CHN1: variants seen among roughly 807,000 people sequenced by gnomAD.
CHN1 encodes chimerin 1.
A neutral mutation model predicts 59.5 loss-of-function variants in CHN1; 37 were observed. The observed-to-expected ratio is 0.62, with a 90% CI of 0.48 to 0.82. The LOEUF (loss-of-function observed/expected upper bound fraction) is 0.82. Among genes scored for constraint, CHN1 ranks in the 40% least tolerant of loss-of-function variants. The pLI, the probability that CHN1 is intolerant of heterozygous loss-of-function variation, is 0.00. For synonymous variants in CHN1, 206 were observed against 200.4 expected (o/e 1.03, Z -0.24); for missense variants, 469 against 571.0 (o/e 0.82, Z 1.82).
At chr2:174,893,356 A>T (rs1238608562) in intron 5 of CHN1, among the ~76,000 whole-genome samples, 1 of 152,228 alleles carries the variant, frequency 6.6e-6, no homozygotes, top group African/African-American at 2.4e-5. Context: ...AACTAAGAAG[A>T]CAACTCCATT....
At chr2:174,874,937 G>A (rs190561936) in intron 6 of CHN1, among the ~76,000 whole-genome samples, 4 of 138,602 alleles carry the variant, frequency 2.9e-5, no homozygotes, top group Non-Finnish European at 6.0e-5. Flanking sequence ...GCAGTGGCAC[G>A]ACTTCTGCTC....
intron 1 of CHN1, among the ~76,000 whole-genome samples, chr2:174,952,831 C>T (rs1690065183): frequency 6.6e-6 from 1 of 152,178 alleles, no homozygotes; most frequent in African/African-American, 2.4e-5. Context: ...AAGTCCATTT[C>T]CCCTCATGTT....
chr2:174,823,487 C>A (rs958045008), intron 8 of CHN1, among the ~76,000 whole-genome samples: 3 of 151,868 alleles, frequency 2.0e-5, no homozygotes, highest in African/African-American at 2.4e-5. Flanking sequence ...CATGGTGAAA[C>A]CCCGTCTCTA....
chr2:174,966,227 C>G (rs1354923147), intron 1 of CHN1, among the ~76,000 whole-genome samples: 1 of 151,996 alleles, frequency 6.6e-6, no homozygotes. Context: ...AAGTTGAAAA[C>G]TGATGTGTCA....
chr2:174,799,298 A>G lies in CHN1; in HGVS notation c.*818T>C. 4 of 348,602 alleles carry G rather than the reference A, an allele frequency of 1.1e-5. No individual in the cohort carries two copies. The highest frequency in any genetic ancestry group is 2.2e-5 in the Non-Finnish European group (4 of 181,588). 21.6% of individuals were successfully genotyped at this position (348,602 alleles called of 1,614,324 possible). A position where few individuals can be genotyped will look rare whatever the true frequency, so the allele number is the denominator to read the frequency against. On this transcript the variant is annotated 3_prime_UTR_variant, in exon 13 of 13. Transcript: ENST00000409900. ...ATTTTAGAAGCTTATCACTTTTAAC[A>G]GTAAACAAAAGAGGTCAGAAGAAGT...
chr2:174,921,006 T>A (rs1002530284), intron 3 of CHN1: 3 of 419,478 alleles, frequency 7.2e-6, no homozygotes, highest in African/African-American at 2.0e-5. Context: ...CAGTTCACAA[T>A]AGGGTTCGCG....
chr2:174,889,882 T>C (rs1254530523), intron 5 of CHN1, among the ~76,000 whole-genome samples: 1 of 136,498 alleles, frequency 7.3e-6, no homozygotes, highest in South Asian at 2.2e-4. Context: ...TAAATAAATA[T>C]GTGTGTGTGT....
At chr2:174,915,633 T>C (rs779513406) in intron 4 of CHN1, among the ~76,000 whole-genome samples, 2 of 152,242 alleles carry the variant, frequency 1.3e-5, no homozygotes, top group Non-Finnish European at 1.5e-5. Flanking sequence ...TTGTCCTTAA[T>C]TGGCATGATT....
At chr2:174,901,997 T>C (rs537869003) in intron 5 of CHN1, among the ~76,000 whole-genome samples, 5 of 152,192 alleles carry the variant, frequency 3.3e-5, no homozygotes, top group Non-Finnish European at 5.9e-5. Context: ...TACCATAATA[T>C]AGTGTACCTT....
At chr2:174,854,694 T>C (rs899288978) in intron 6 of CHN1, among the ~76,000 whole-genome samples, 7 of 152,260 alleles carry the variant, frequency 4.6e-5, no homozygotes, top group South Asian at 4.1e-4. Context: ...AGGAATCAAA[T>C]GAGATACTAT....
At chr2:174,997,992 C>T (rs1203831176) in intron 1 of CHN1, among the ~76,000 whole-genome samples, 1 of 102,254 alleles carries the variant, frequency 9.8e-6, no homozygotes, top group South Asian at 3.1e-4. Flanking sequence ...GTCTCGGGGG[C>T]GCAAAAAAAA....
At chr2:174,894,094 A>C (rs1688135291) in intron 5 of CHN1, among the ~76,000 whole-genome samples, 1 of 151,688 alleles carries the variant, frequency 6.6e-6, no homozygotes, top group Non-Finnish European at 1.5e-5. Context: ...AGCACAAGTA[A>C]CAAGAGCAAA....
intron 5 of CHN1, among the ~76,000 whole-genome samples, chr2:174,904,976 G>T (rs1057350746): frequency 1.3e-5 from 2 of 152,022 alleles, no homozygotes; most frequent in Non-Finnish European, 2.9e-5. Context: ...TTACCTTAAC[G>T]TACCACACAT....
At chr2:174,898,068 G>A (rs548693085) in intron 5 of CHN1, among the ~76,000 whole-genome samples, 10 of 152,108 alleles carry the variant, frequency 6.6e-5, no homozygotes, top group Non-Finnish European at 1.0e-4. Flanking sequence ...TGGTAGGAGT[G>A]ACAAATGAGA....
intron 3 of CHN1, among the ~76,000 whole-genome samples, chr2:174,934,244 C>T (rs948525898): frequency 2.6e-5 from 4 of 152,178 alleles, no homozygotes; most frequent in Non-Finnish European, 5.9e-5. Flanking sequence ...TGCAACTAGA[C>T]AGTCTCATCT....
At chr2:174,828,843 A>G (rs1685779829) in intron 7 of CHN1, among the ~76,000 whole-genome samples, 1 of 152,204 alleles carries the variant, frequency 6.6e-6, no homozygotes, top group African/African-American at 2.4e-5. Context: ...ACTTTTGCCT[A>G]GAATTGCCAC....
Position 174,876,400 on chromosome 2 carries a change from G to A in CHN1, c.549+1440C>T, listed in dbSNP as rs533740430. Among the ~76,000 whole-genome samples the A allele has an allele frequency of 7.2e-5, 11 of 152,246 alleles. No homozygotes were observed. The South Asian group carries it at 2.3e-3, about 32-fold the overall frequency. On this transcript the variant is annotated intron_variant, in intron 6 of 12. Coordinates refer to ENST00000409900, the MANE Select transcript of CHN1 (RefSeq NM_001822.7). ...CAAATCTGCAAAGAATATAATGTCA[G>A]TATTATTCAAATACAAGCATTACTA...
Position 174,799,956 on chromosome 2 carries a change from G to A in CHN1, c.*160C>T, listed in dbSNP as rs1333476706. The stretch of plus-strand genomic sequence containing the variant: ...CGTGTGTTCACTGTTTTACAAGACA[G>A]CTGAGCGGTGCTACAAAAACAACAG... On this transcript the variant is annotated 3_prime_UTR_variant, in exon 13 of 13. Coordinates refer to ENST00000409900, the MANE Select transcript of CHN1 (RefSeq NM_001822.7). 1 of 722,092 alleles carries A rather than the reference G, an allele frequency of 1.4e-6. No homozygotes were observed. The allele number at this position is 722,092 out of a possible 1,614,324, so 44.7% of individuals were successfully genotyped here. A position where few individuals can be genotyped will look rare whatever the true frequency, so the allele number is the denominator to read the frequency against.
At chr2:174,977,153 T>C (rs2105445244) in intron 1 of CHN1, among the ~76,000 whole-genome samples, 1 of 152,222 alleles carries the variant, frequency 6.6e-6, no homozygotes, top group East Asian at 1.9e-4. Flanking sequence ...CAAACCCGCC[T>C]GTCTCAACGA....
Sources: gnomAD v4.1 joint callset for allele counts (sites outside exome capture counted in the v4.1 genomes callset) on GRCh38, gnomAD v4.1.1 for gene constraint, MANE v1.5 for transcripts, NCBI Gene and HGNC (gene_info 2026-07-23, HGNC 2026-07-21) for gene names.